Variants in MYH15 observed in about 807,000 individuals in gnomAD.
MYH15 encodes myosin-15.
Under a neutral mutation model 240.5 loss-of-function variants are expected in MYH15, and 227 were observed. The ratio of observed to expected loss-of-function variants is 0.94; its 90% CI spans 0.85 to 1.05. MYH15 has a LOEUF of 1.05. Among genes scored for constraint, MYH15 ranks in the 50% least tolerant of loss-of-function variants. The pLI, the probability that MYH15 is intolerant of heterozygous loss-of-function variation, is 0.00. For synonymous variants in MYH15, 785 were observed against 796.7 expected, an observed-to-expected ratio of 0.99 and a Z score of 0.25; for missense variants, 2,217 against 2,247.5, an observed-to-expected ratio of 0.99 and a Z score of 0.27.
chr3:108,501,921 A>T, intron 2 of MYH15, 66 bp from the exon 3 acceptor site: 1 of 1,524,680 alleles, frequency 6.6e-7, no homozygotes, highest in East Asian at 2.3e-5. Flanking sequence ...TTTCCCATGA[A>T]TTAGAAAGAA....
chr3:108,445,454 G>T (rs1254040452), intron 21 of MYH15, among the ~76,000 whole-genome samples: 1 of 151,920 alleles, frequency 6.6e-6, no homozygotes, highest in Non-Finnish European at 1.5e-5. Context: ...TACCACTGAA[G>T]TATTTAAGGT....
chr3:108,455,997 A>C, intron 19 of MYH15, 138 bp from the exon 20 acceptor site: 1 of 846,844 alleles, frequency 1.2e-6, no homozygotes, highest in Non-Finnish European at 1.8e-6. Context: ...CAAGATTCTT[A>C]GTAACAATAA....
intron 29 of MYH15, among the ~76,000 whole-genome samples, chr3:108,414,750 G>T (rs1015151629): frequency 6.6e-6 from 1 of 152,178 alleles, no homozygotes; most frequent in Non-Finnish European, 1.5e-5. Context: ...TATCATTTAG[G>T]CAATAAGATT....
chr3:108,523,951 T>C (rs1157410319), intron 1 of MYH15, among the ~76,000 whole-genome samples: 3 of 151,988 alleles, frequency 2.0e-5, no homozygotes, highest in Admixed American at 1.3e-4. Flanking sequence ...TCATAATTTA[T>C]TCAACAATTC....
upstream of MYH15, among the ~76,000 whole-genome samples, chr3:108,513,492 A>G (rs1481689094): frequency 1.3e-5 from 2 of 152,188 alleles, no homozygotes; most frequent in East Asian, 3.8e-4. Flanking sequence ...AACATTCAGG[A>G]GCTTGATTTA....
rs190819544 is a variant in MYH15, at chr3:108,500,171, G to A, written c.443C>T (p.Ala148Val). The A allele has an allele frequency of 5.7e-5, 92 of 1,614,056 alleles. 1 individual carries two copies. The Admixed American group carries it at 1.2e-3, about 22-fold the overall frequency. The change falls in exon 4 of 41, where the codon GCT becomes GTT. Residue 148 changes from alanine (A) to valine (V), a missense_variant. Transcript: ENST00000693548. ...GGCAACAGCAAAGATGTGAGGGGGAGCCTCTGATCGCCTCTTCCCTTTGTA... is the reference window on the plus strand; with the variant it reads ...GGCAACAGCAAAGATGTGAGGGGGAACCTCTGATCGCCTCTTCCCTTTGTA... ...AAYKGKRRSE[A>V]PPHIFAVANN... is the part of the protein sequence containing the mutation.
chr3:108,441,383 C>G, intron 22 of MYH15, 123 bp from the exon 23 acceptor site: 1 of 1,051,688 alleles, frequency 9.5e-7, no homozygotes, highest in South Asian at 1.5e-5. Flanking sequence ...TTTCACCTAC[C>G]TTTCCTAAAC....
intron 38 of MYH15, 121 bp from the exon 39 acceptor site, chr3:108,384,903 A>G: frequency 2.5e-6 from 2 of 812,044 alleles, no homozygotes; most frequent in Non-Finnish European, 3.9e-6. Flanking sequence ...CAGAGTTGTG[A>G]TTTTAACAAT....
chr3:108,518,758 C>T (rs1415721163), intron 1 of MYH15, among the ~76,000 whole-genome samples: 1 of 152,172 alleles, frequency 6.6e-6, no homozygotes, highest in African/African-American at 2.4e-5. Context: ...CTTAATCATC[C>T]TTTGGGTCTT....
intron 1 of MYH15, among the ~76,000 whole-genome samples, chr3:108,508,935 C>T (rs572276505): frequency 6.6e-6 from 1 of 152,074 alleles, no homozygotes; most frequent in Middle Eastern, 3.4e-3. Context: ...TCATTTGGTC[C>T]CCACAGCAAT....
In MYH15 at chr3:108,505,785, C is replaced by G; in HGVS notation, c.133G>C (p.Glu45Gln). Residue 45 changes from glutamate (E) to glutamine (Q), a missense_variant, in exon 2 of 41, where the codon GAG (glutamate) becomes CAG (glutamine). By Grantham distance (29) the Glu-to-Gln change is conservative (BLOSUM62 2). Transcript: ENST00000693548. ...WIPDGENAYI[E>Q]AEVKGSEDDG... ...TCTTCACTCCCTTTTACCTCAGCCT[C>G]GATATAAGCATTCTCACCATCAGGA... 2.5e-6 allele frequency: 4 copies of G among 1,611,724 alleles called. No homozygotes were observed. In the East Asian group the frequency reaches 8.9e-5, roughly 36 times the overall value.
intron 25 of MYH15, among the ~76,000 whole-genome samples, chr3:108,432,490 A>C (rs1412088090): frequency 6.6e-6 from 1 of 152,226 alleles, no homozygotes; most frequent in Non-Finnish European, 1.5e-5. Flanking sequence ...CATAAGTTAC[A>C]AGGAACCAAA....
intron 22 of MYH15, among the ~76,000 whole-genome samples, chr3:108,442,433 C>A (rs1269510702): frequency 6.6e-6 from 1 of 152,174 alleles, no homozygotes; most frequent in Non-Finnish European, 1.5e-5. Flanking sequence ...AGGGTCAATG[C>A]AAATCAGAGA....
intron 11 of MYH15, among the ~76,000 whole-genome samples, chr3:108,483,202 T>TAAA (rs58381577): frequency 6.2e-5 from 5 of 81,088 alleles, no homozygotes; most frequent in Middle Eastern, 7.1e-3. Context: ...TCTGTCTCCA[T>TAAA]AAAAAAAAAA....
chr3:108,426,262 T>C (rs1307615251), intron 27 of MYH15, among the ~76,000 whole-genome samples: 2 of 147,572 alleles, frequency 1.4e-5, no homozygotes, highest in South Asian at 2.1e-4. Flanking sequence ...AGGAAATTAG[T>C]AGGGATAGAA....
intron 38 of MYH15, among the ~76,000 whole-genome samples, chr3:108,385,373 G>A (rs576965081): frequency 1.1e-4 from 16 of 152,278 alleles, no homozygotes; most frequent in South Asian, 2.1e-4. Flanking sequence ...ATTCTGATGC[G>A]GAGATAGCAA....
chr3:108,410,941 G>C lies in MYH15; in HGVS notation c.4146-9C>G. ...TAATTGCCAGTTCCTTCCTGAGAAA[G>C]GAGGACACCCAAAGAGTGAGTGAGG... is the stretch of plus-strand genomic sequence containing the variant. On this transcript the variant is annotated splice_polypyrimidine_tract_variant and intron_variant, in intron 30 of 40. Transcript: ENST00000693548. 1 of 1,585,756 alleles carries C rather than the reference G, an allele frequency of 6.3e-7. No individual in the cohort carries two copies. Among genetic ancestry groups the C allele is most frequent in the Non-Finnish European group, 8.6e-7 (1 of 1,160,372 alleles).
chr3:108,471,709 C>T (rs1011666154), intron 12 of MYH15, among the ~76,000 whole-genome samples: 1 of 152,182 alleles, frequency 6.6e-6, no homozygotes, highest in Non-Finnish European at 1.5e-5. Context: ...CCCCACTTAT[C>T]CTTGTTTTAC....
chr3:108,457,697 T>C (rs889989005), intron 18 of MYH15, among the ~76,000 whole-genome samples: 2 of 152,164 alleles, frequency 1.3e-5, no homozygotes, highest in African/African-American at 4.8e-5. Flanking sequence ...CCCATATTTC[T>C]ATACTCGAAT....
Sources: gnomAD v4.1 joint callset for allele counts (sites outside exome capture counted in the v4.1 genomes callset) on GRCh38, gnomAD v4.1.1 for gene constraint, MANE v1.5 for transcripts, NCBI Gene and HGNC (gene_info 2026-07-23, HGNC 2026-07-21) for gene names.